Variants in ROCK2 observed in about 807,000 individuals in gnomAD.
ROCK2 encodes rho-associated protein kinase 2.
In ROCK2, 61 loss-of-function variants were observed where a neutral mutation model predicts 195.1. The observed-to-expected ratio is 0.31, with a 90% CI of 0.25 to 0.39. The LOEUF is 0.39. Among genes scored for constraint, ROCK2 ranks in the 10% least tolerant of loss-of-function variants. The pLI is 1.00. For synonymous variants in ROCK2, 504 were observed against 545.5 expected, an observed-to-expected ratio of 0.92 and a Z score of 1.06; for missense variants, 1,109 against 1,637.4, an observed-to-expected ratio of 0.68 and a Z score of 5.57.
intron 20 of ROCK2, among the ~76,000 whole-genome samples, chr2:11,205,018 T>C (rs1400001633): frequency 6.6e-6 from 1 of 152,152 alleles, no homozygotes; most frequent in Non-Finnish European, 1.5e-5. Context: ...ATGTAGGAGT[T>C]TTCTCACTGG....
In ROCK2 at chr2:11,221,141, T is replaced by C. The variant is rs1664623844; in HGVS notation, c.1259+57A>G. ...TATAATTGAGTCTCAAAATAACACATCATCTTATAGCTAGATTCTAAAAAC... is the reference window on the plus strand; with the variant it reads ...TATAATTGAGTCTCAAAATAACACACCATCTTATAGCTAGATTCTAAAAAC... On this transcript the variant is annotated intron_variant, in intron 9 of 32. Coordinates refer to ENST00000315872, the MANE Select transcript of ROCK2 (RefSeq NM_004850.5). 5 of 1,309,852 alleles carry C rather than the reference T, an allele frequency of 3.8e-6. No homozygotes were observed. The South Asian group carries it at 7.1e-5, about 18-fold the overall frequency. The allele number at this position is 1,309,852 out of a possible 1,614,324, so 81.1% of individuals were successfully genotyped here.
chr2:11,314,363 T>A (rs1668128194), intron 1 of ROCK2, among the ~76,000 whole-genome samples: 1 of 151,966 alleles, frequency 6.6e-6, no homozygotes, highest in African/African-American at 2.4e-5. Flanking sequence ...CACATGCTGT[T>A]TAGTTACTAT....
At position 11,201,498 on chromosome 2, in the gene ROCK2, A is replaced by G; in HGVS notation, c.2620-85T>C. Reference sequence around the variant, plus strand: ...AAAAGCTATTCAGACAAAAAGGAGAATGAACACATACAAATATTTTCTTAC... The same window carrying G: ...AAAAGCTATTCAGACAAAAAGGAGAGTGAACACATACAAATATTTTCTTAC... On this transcript the variant is annotated intron_variant, in intron 21 of 32. Transcript: ENST00000315872. The surrounding 1 kb of genome is among the most constrained non-coding windows in gnomAD (Gnocchi z 4.6). 1 of 757,792 alleles carries G rather than the reference A, an allele frequency of 1.3e-6. No individual in the cohort carries two copies. Among genetic ancestry groups the G allele is most frequent in the Non-Finnish European group, 2.3e-6 (1 of 439,778 alleles). 46.9% of individuals were successfully genotyped at this position (757,792 alleles called of 1,614,324 possible). A position where few individuals can be genotyped will look rare whatever the true frequency, so the allele number is the denominator to read the frequency against.
At chr2:11,264,571 T>G (rs889570019) in intron 3 of ROCK2, among the ~76,000 whole-genome samples, 1 of 152,172 alleles carries the variant, frequency 6.6e-6, no homozygotes, top group Non-Finnish European at 1.5e-5. Flanking sequence ...CACATCTTCA[T>G]GAAGATGTCA....
At chr2:11,200,113 T>C (rs1228554045) in intron 23 of ROCK2, among the ~76,000 whole-genome samples, 1 of 152,152 alleles carries the variant, frequency 6.6e-6, no homozygotes, top group Non-Finnish European at 1.5e-5. Context: ...TATATTTAGG[T>C]TTTCTCTTTC....
intron 23 of ROCK2, among the ~76,000 whole-genome samples, chr2:11,199,806 C>T (rs564924385): frequency 6.6e-6 from 1 of 152,236 alleles, no homozygotes; most frequent in South Asian, 2.1e-4. Context: ...AATATTTATG[C>T]TGCTATAAGC....
chr2:11,261,135 T>TA (rs1350410028), intron 3 of ROCK2, among the ~76,000 whole-genome samples: 10 of 152,358 alleles, frequency 6.6e-5, no homozygotes, highest in Non-Finnish European at 8.8e-5. Flanking sequence ...GAATTTCACT[T>TA]AAACTGCTTT....
At chr2:11,205,247 T>G (rs889183393) in intron 20 of ROCK2, among the ~76,000 whole-genome samples, 3 of 152,216 alleles carry the variant, frequency 2.0e-5, no homozygotes, top group Admixed American at 2.0e-4. Flanking sequence ...TAGAGTATGA[T>G]CAGCAGATTA....
rs567372008 is a variant in ROCK2 at position 11,205,715 on chromosome 2, T to C, written c.2549+2011A>G. On this transcript the variant is annotated intron_variant, in intron 20 of 32. Coordinates refer to ENST00000315872, the MANE Select transcript of ROCK2 (RefSeq NM_004850.5). ...GGGTAGGAAATGTATTTGGTTAATC[T>C]TTCTATCTTTCATAGTAACTACTAC... Among the ~76,000 whole-genome samples the C allele has an allele frequency of 2.0e-5, 3 of 152,262 alleles. No homozygotes were observed. The South Asian group carries it at 6.2e-4, about 32-fold the overall frequency.
chr2:11,215,416 T>A lies in ROCK2; in HGVS notation c.1598-4A>T. 1.9e-6 allele frequency: 3 copies of A among 1,604,136 alleles called. No individual in the cohort carries two copies. Among genetic ancestry groups the A allele is most frequent in the Non-Finnish European group, 2.6e-6 (3 of 1,175,814 alleles). ...AGTTGATCTTTTAAGCTGTTAACTATGATAAAAAGCATTTCAGTGGCAAGC... is the reference window on the plus strand; with the variant it reads ...AGTTGATCTTTTAAGCTGTTAACTAAGATAAAAAGCATTTCAGTGGCAAGC... On this transcript the variant is annotated splice_polypyrimidine_tract_variant and splice_region_variant and intron_variant, in intron 14 of 32. Coordinates refer to ENST00000315872, the MANE Select transcript of ROCK2 (RefSeq NM_004850.5).
intron 3 of ROCK2, among the ~76,000 whole-genome samples, chr2:11,273,389 A>C (rs1666715084): frequency 6.6e-6 from 1 of 152,068 alleles, no homozygotes; most frequent in Non-Finnish European, 1.5e-5. Context: ...TAAATCAATA[A>C]AGGTTACAGG....
At chr2:11,243,909 T>C (rs72787626) in intron 4 of ROCK2, among the ~76,000 whole-genome samples, 6,459 of 152,330 alleles carry the variant, frequency 0.042, 278 homozygotes, top group Non-Finnish European at 0.06. Context: ...ATAGGAACTC[T>C]ATACTGTCTG....
chr2:11,263,143 T>C lies in ROCK2; in HGVS notation c.325-13345A>G, dbSNP rs183912794. ...AAGGAATTAAAAAGTTGAGTTTACA[T>C]GAGTAGCATTGGAAAATCATGCCCC... On this transcript the variant is annotated intron_variant, in intron 3 of 32. Transcript: ENST00000315872. Among the ~76,000 whole-genome samples the C allele has an allele frequency of 2.3e-3, 351 of 152,332 alleles. 1 individual carries two copies. Among genetic ancestry groups the C allele is most frequent in the Non-Finnish European group, 4.4e-3 (297 of 68,032 alleles).
intron 1 of ROCK2, among the ~76,000 whole-genome samples, chr2:11,302,563 G>A (rs571832475): frequency 2.6e-5 from 4 of 152,114 alleles, no homozygotes; most frequent in Admixed American, 6.5e-5. Flanking sequence ...CACTATTTAC[G>A]ACCCTTCTTT....
At chr2:11,298,486 A>G (rs994474849) in intron 1 of ROCK2, among the ~76,000 whole-genome samples, 1 of 151,570 alleles carries the variant, frequency 6.6e-6, no homozygotes, top group African/African-American at 2.4e-5. Flanking sequence ...AAAAAAAAAA[A>G]AAAAAACCAC....
At chr2:11,185,485 T>C (rs1663161507) in intron 32 of ROCK2, among the ~76,000 whole-genome samples, 1 of 152,162 alleles carries the variant, frequency 6.6e-6, no homozygotes, top group Admixed American at 6.5e-5. Flanking sequence ...TCCCAGCACT[T>C]TGGGAGGCTG....
At chr2:11,333,520 T>C (rs192922267) in intron 1 of ROCK2, among the ~76,000 whole-genome samples, 2 of 152,224 alleles carry the variant, frequency 1.3e-5, no homozygotes, top group East Asian at 1.9e-4. Context: ...AGCACCTGCA[T>C]GTATTAGGAA....
At chr2:11,296,007 A>G (rs13020000) in intron 1 of ROCK2, among the ~76,000 whole-genome samples, 686 of 25,028 alleles carry the variant, frequency 0.027, 12 homozygotes, top group East Asian at 0.11. Context: ...GAGAGAGAGG[A>G]GAGAGAGAGA....
chr2:11,338,372 A>G (rs1364624379), intron 1 of ROCK2, among the ~76,000 whole-genome samples: 1 of 152,174 alleles, frequency 6.6e-6, no homozygotes, highest in Non-Finnish European at 1.5e-5. Context: ...TCAAGCCAAA[A>G]TATATAATAC....
Sources: gnomAD v4.1 joint callset for allele counts (sites outside exome capture counted in the v4.1 genomes callset) on GRCh38, gnomAD v4.1.1 for gene constraint, Gnocchi (gnomAD v3.1) non-coding constraint, MANE v1.5 for transcripts, NCBI Gene and HGNC (gene_info 2026-07-23, HGNC 2026-07-21) for gene names.